SHF: variants seen among roughly 807,000 people sequenced by gnomAD.
The protein encoded by SHF is SH2 domain-containing adapter protein F.
A neutral mutation model predicts 42.4 loss-of-function variants in SHF; 30 were observed. The ratio of observed to expected loss-of-function variants is 0.71; its 90% CI spans 0.53 to 0.96. SHF has a LOEUF of 0.96. Ranked by LOEUF, SHF falls within the 40% of genes least tolerant of loss-of-function variation. SHF has a pLI of 0.00. For synonymous variants in SHF, 264 were observed against 269.9 expected, an observed-to-expected ratio of 0.98 and a Z score of 0.21; for missense variants, 598 against 634.0, an observed-to-expected ratio of 0.94 and a Z score of 0.61.
chr15:45,179,897 C>G (rs1374497832), intron 1 of SHF, among the ~76,000 whole-genome samples: 2 of 152,120 alleles, frequency 1.3e-5, no homozygotes, highest in South Asian at 2.1e-4. Flanking sequence ...GGAATGGTGA[C>G]CCCTAGCAAG....
intron 6 of SHF, chr15:45,170,539 G>A (rs558239614): frequency 1.8e-5 from 16 of 901,972 alleles, no homozygotes; most frequent in Admixed American, 8.4e-5. Context: ...ACCGAGGCTC[G>A]GAGATATTAA....
chr15:45,192,358 ATTTTTTTT>A (rs1193075020), upstream of SHF, among the ~76,000 whole-genome samples: 1 of 75,544 alleles, frequency 1.3e-5, no homozygotes, highest in African/African-American at 6.3e-5. Context: ...CTGATTCCAG[ATTTTTTTT>A]TTTTTTTTTT....
At chr15:45,184,294 C>G (rs1898272806) in intron 1 of SHF, among the ~76,000 whole-genome samples, 1 of 152,170 alleles carries the variant, frequency 6.6e-6, no homozygotes, top group South Asian at 2.1e-4. Flanking sequence ...TGTCTGTTTA[C>G]TCCTTTCCAA....
In SHF at chr15:45,175,325, G is replaced by A. The variant is rs1249227066; in HGVS notation, c.741C>T (p.Ala247=). 1 of 1,605,880 alleles carries A rather than the reference G, an allele frequency of 6.2e-7. No individual in the cohort carries two copies. Among genetic ancestry groups the A allele is most frequent in the Admixed American group, 1.7e-5 (1 of 59,016 alleles). The change falls in exon 3 of 7, where the codon GCC becomes GCT. Residue 247 remains alanine, a synonymous_variant. Transcript: ENST00000690270. ...EDGATAEGEG[A]PWPRESRLPE... The stretch of plus-strand genomic sequence containing the variant: ...GCAGGCGGGACTCCCGGGGCCAGGG[G>A]GCCCCCTCACCTTCCGCGGTGGCCC...
At chr15:45,198,714 A>T (rs1031353207) in intron 2 of SHF, 1 of 1,551,758 alleles carries the variant, frequency 6.4e-7, no homozygotes, top group Non-Finnish European at 8.7e-7. Flanking sequence ...GCTTCTGATT[A>T]TCCTCTTCAA....
intron 1 of SHF, among the ~76,000 whole-genome samples, chr15:45,184,668 C>T (rs1457266642): frequency 6.6e-6 from 1 of 152,266 alleles, no homozygotes; most frequent in East Asian, 1.9e-4. Context: ...ATATCCATCC[C>T]CTTCCCTAAT....
At chr15:45,188,635 CA>C (rs960279261), upstream of SHF, among the ~76,000 whole-genome samples, 226 of 152,374 alleles carry the variant, frequency 1.5e-3, no homozygotes, top group African/African-American at 5.3e-3. Context: ...TTCTCACACG[CA>C]AACAGCCCTC....
At chr15:45,180,925 T>G (rs1898091289) in intron 1 of SHF, among the ~76,000 whole-genome samples, 1 of 152,226 alleles carries the variant, frequency 6.6e-6, no homozygotes, top group Admixed American at 6.5e-5. Context: ...GAAGCACAAA[T>G]CTGGATTGGG....
At chr15:45,193,656 A>G (rs910775334) in intron 2 of SHF, among the ~76,000 whole-genome samples, 1 of 152,148 alleles carries the variant, frequency 6.6e-6, no homozygotes, top group African/African-American at 2.4e-5. Flanking sequence ...AATTGGAGGA[A>G]AGTATGTCGC....
chr15:45,192,572 C>T (rs1449766263), upstream of SHF, among the ~76,000 whole-genome samples: 91 of 151,894 alleles, frequency 6.0e-4, 1 homozygote, highest in Admixed American at 5.6e-3. Flanking sequence ...GGGGTTTCAC[C>T]GTGTTAGCTG....
exon 1 of SHF, chr15:45,200,796 C>T (rs1440229238): frequency 2.2e-6 from 1 of 456,098 alleles, no homozygotes; most frequent in Non-Finnish European, 4.4e-6. Context: ...TTTAAGAGCT[C>T]CAGTCCCAGC....
At chr15:45,194,538 G>C (rs914558174) in intron 2 of SHF, among the ~76,000 whole-genome samples, 2 of 152,078 alleles carry the variant, frequency 1.3e-5, no homozygotes, top group African/African-American at 4.8e-5. Context: ...TTTTAGTAGA[G>C]ACAGGGTTTC....
intron 2 of SHF, among the ~76,000 whole-genome samples, chr15:45,198,036 G>A (rs999762128): frequency 6.6e-6 from 1 of 152,042 alleles, no homozygotes; most frequent in Non-Finnish European, 1.5e-5. Flanking sequence ...AGACTTTTGT[G>A]CATGTATTCC....
At chr15:45,174,886 C>T (rs1002689246) in intron 3 of SHF, among the ~76,000 whole-genome samples, 5 of 152,138 alleles carry the variant, frequency 3.3e-5, no homozygotes, top group Non-Finnish European at 7.3e-5. Flanking sequence ...AGTATTTTAA[C>T]ATATGTCACG....
intron 2 of SHF, among the ~76,000 whole-genome samples, chr15:45,194,314 T>C (rs923511896): frequency 1.3e-5 from 2 of 152,034 alleles, no homozygotes; most frequent in Admixed American, 6.6e-5. Context: ...AATTTGACTA[T>C]TGGGAGCCTT....
exon 1 of SHF, chr15:45,200,762 G>A (rs533647040): frequency 2.2e-6 from 1 of 456,242 alleles, no homozygotes; most frequent in East Asian, 7.0e-5. Context: ...TGGTGGGTCA[G>A]AACTGATTTT....
intron 2 of SHF, chr15:45,198,600 C>T (rs771315039): frequency 1.3e-5 from 9 of 702,542 alleles, no homozygotes; most frequent in Admixed American, 3.2e-5. Context: ...GCCATTGTTC[C>T]CACAATGCCG....
At chr15:45,199,099 C>T (rs1290674976) in exon 2 of SHF, 4 of 1,536,806 alleles carry the variant, frequency 2.6e-6, no homozygotes, top group East Asian at 4.7e-5. Context: ...CCAATGCCGC[C>T]TCTGTGGAGA....
rs1416085716 is a variant in SHF, at chr15:45,172,170, T to C, written c.1137A>G (p.Pro379=). 3 of 1,613,764 alleles carry C rather than the reference T, an allele frequency of 1.9e-6. No homozygotes were observed. The South Asian group carries it at 3.3e-5, about 18-fold the overall frequency. ...ACACCTGGTTTTCCAGAGGCAGTGC[T>C]GGATCTGTCCACTCCCCCAGGGGGC... is the stretch of plus-strand genomic sequence containing the variant. The part of the protein sequence containing the change: ...PSSPLGEWTD[P]ALPLENQVWY... Residue 379 remains proline, a synonymous_variant, in exon 5 of 7, where the codon CCA becomes CCG. Coordinates refer to ENST00000690270, the MANE Select transcript of SHF (RefSeq NM_001394037.1).
Sources: gnomAD v4.1 joint callset for allele counts (sites outside exome capture counted in the v4.1 genomes callset) on GRCh38, gnomAD v4.1.1 for gene constraint, MANE v1.5 for transcripts, NCBI Gene and HGNC (gene_info 2026-07-23, HGNC 2026-07-21) for gene names.